Variants in KDR observed in about 807,000 individuals in gnomAD.
KDR encodes vascular endothelial growth factor receptor 2.
KDR carries 43 observed loss-of-function variants against 160.9 expected under a neutral mutation model. The ratio of observed to expected loss-of-function variants is 0.27; its 90% CI spans 0.21 to 0.34. KDR has a LOEUF of 0.34. Ranked by LOEUF, KDR falls within the 10% of genes least tolerant of loss-of-function variation. The pLI is 1.00. For missense variants in KDR, 1,469 were observed against 1,666.4 expected, an observed-to-expected ratio of 0.88 and a Z score of 2.06; for synonymous variants, 617 against 600.1, an observed-to-expected ratio of 1.03 and a Z score of -0.41.
chr4:55,124,128 A>T (rs947675267), intron 1 of KDR, among the ~76,000 whole-genome samples: 14 of 152,162 alleles, frequency 9.2e-5, no homozygotes, highest in Admixed American at 7.2e-4. Flanking sequence ...TGGACAGATG[A>T]TCCTGGTACT....
At chr4:55,082,081 T>C (rs761718110) in intron 28 of KDR, 40 bp from the exon 29 acceptor site, 6 of 1,328,540 alleles carry the variant, frequency 4.5e-6, no homozygotes, top group South Asian at 3.5e-5. Flanking sequence ...TAATTGAGCA[T>C]ATAAAATGAC....
At chr4:55,125,158 T>C in intron 1 of KDR, 69 bp downstream of exon 1, 1 of 1,389,018 alleles carries the variant, frequency 7.2e-7, no homozygotes, top group Non-Finnish European at 1.0e-6. Flanking sequence ...CCGAGTTAGA[T>C]CTGGCTTTCA....
chr4:55,120,267 G>T (rs1720837017), intron 2 of KDR, among the ~76,000 whole-genome samples: 1 of 152,156 alleles, frequency 6.6e-6, no homozygotes, highest in Non-Finnish European at 1.5e-5. Flanking sequence ...TGGACCCCCA[G>T]CACTCTTCCA....
intron 2 of KDR, among the ~76,000 whole-genome samples, chr4:55,119,120 A>G (rs1319847863): frequency 6.6e-6 from 1 of 152,108 alleles, no homozygotes; most frequent in South Asian, 2.1e-4. Flanking sequence ...GAGGCATGAG[A>G]ATTGCTTGAA....
Position 55,125,251 on chromosome 4 carries a change from C to G in KDR, c.43G>C (p.Val15Leu). Residue 15 changes from valine (V) to leucine (L), a missense_variant, in exon 1 of 30, where the codon GTG becomes CTG. Coordinates refer to ENST00000263923, the MANE Select transcript of KDR (RefSeq NM_002253.4). ...CCCACAGAGGCGGCCCGGGTCTCCA[C>G]GCAGAGCCACAGGGCGACGGCCAGC... The part of the protein sequence containing the change: ...VLLAVALWLC[V>L]ETRAASVGLP... 1 of 1,612,998 alleles carries G rather than the reference C, an allele frequency of 6.2e-7. No individual in the cohort carries two copies. The highest frequency in any genetic ancestry group is 2.2e-5 in the East Asian group (1 of 44,860).
In KDR at chr4:55,114,274, A is replaced by C. The variant is rs1371888060; in HGVS notation, c.659-9T>G. The C allele has an allele frequency of 6.2e-7, 1 of 1,613,452 alleles. No homozygotes were observed. Among genetic ancestry groups the C allele is most frequent in the Non-Finnish European group, 8.5e-7 (1 of 1,179,604 alleles). ...ATCATAAATCCTATACCCTAGAGCA[A>C]GTAAATTGAAAAAACAGAACATGAG... is the stretch of plus-strand genomic sequence containing the variant. On this transcript the variant is annotated splice_polypyrimidine_tract_variant and intron_variant, in intron 5 of 29. Coordinates refer to ENST00000263923, the MANE Select transcript of KDR (RefSeq NM_002253.4).
At chr4:55,119,420 G>A (rs564819843) in intron 2 of KDR, among the ~76,000 whole-genome samples, 12 of 152,268 alleles carry the variant, frequency 7.9e-5, no homozygotes, top group African/African-American at 2.9e-4. Flanking sequence ...AAAAATCAAT[G>A]CCTTTATGGA....
Position 55,082,652 on chromosome 4 carries a change from A to T in KDR, c.3663-17T>A, listed in dbSNP as rs948272810. 1.1e-5 allele frequency: 17 copies of T among 1,599,928 alleles called. No individual in the cohort carries two copies. The highest frequency in any genetic ancestry group is 1.4e-5 in the Non-Finnish European group (16 of 1,167,518). On this transcript the variant is annotated splice_polypyrimidine_tract_variant and intron_variant, in intron 27 of 29. Coordinates refer to ENST00000263923, the MANE Select transcript of KDR (RefSeq NM_002253.4). ...AGATACTGACTGCAAAAGAACAAAT[A>T]TTTATATTTTAGTGGTGGTATATTT...
At position 55,118,772 on chromosome 4, in the gene KDR, G is replaced by T. The variant is rs746468410; in HGVS notation, c.190C>A (p.Pro64Thr). 21 of 1,614,134 alleles carry T rather than the reference G, an allele frequency of 1.3e-5. No individual in the cohort carries two copies. Among genetic ancestry groups the T allele is most frequent in the Non-Finnish European group, 1.8e-5 (21 of 1,179,998 alleles). The part of the protein sequence containing the change: ...RGQRDLDWLW[P>T]NNQSGSEQRV... ...TGCTCACTGCCACTCTGATTATTGGGCCAAAGCCAGTCCAAGTCCCTCTGT... is the reference window on the plus strand; with the variant it reads ...TGCTCACTGCCACTCTGATTATTGGTCCAAAGCCAGTCCAAGTCCCTCTGT... The change falls in exon 3 of 30, where the codon CCC becomes ACC. Residue 64 changes from proline (P) to threonine (T), a missense_variant. Physicochemically the swap from Pro to Thr is conservative, Grantham distance 38. Coordinates refer to ENST00000263923, the MANE Select transcript of KDR (RefSeq NM_002253.4).
intron 29 of KDR, 72 bp downstream of exon 29, chr4:55,081,884 T>TAAG (rs747625211): frequency 2.1e-5 from 22 of 1,042,008 alleles, no homozygotes; most frequent in African/African-American, 1.6e-4. Context: ...ATTCTGCACT[T>TAAG]ACACTGAAAG....
At chr4:55,089,229 T>C in intron 25 of KDR, 145 bp downstream of exon 25, 1 of 697,612 alleles carries the variant, frequency 1.4e-6, no homozygotes, top group East Asian at 2.7e-5. Flanking sequence ...GATGACTCCA[T>C]GCTTGAAATT....
At position 55,089,808 on chromosome 4, in the gene KDR, G is replaced by C. The variant is rs1428451411; in HGVS notation, c.3193-6C>G. ...CATTTCAAAGGGAGGCGAGCCTACA[G>C]GGGTAGAAGACAAGGATTCAGAACC... On this transcript the variant is annotated splice_polypyrimidine_tract_variant and splice_region_variant and intron_variant, in intron 23 of 29. Transcript: ENST00000263923. 6.2e-7 allele frequency: 1 copy of C among 1,613,192 alleles called. No individual in the cohort carries two copies. Among genetic ancestry groups the C allele is most frequent in the East Asian group, 2.2e-5 (1 of 44,868 alleles).
At chr4:55,100,253 C>A (rs946850519) in intron 15 of KDR, among the ~76,000 whole-genome samples, 1 of 152,060 alleles carries the variant, frequency 6.6e-6, no homozygotes, top group South Asian at 2.1e-4. Context: ...CATTGAGAGA[C>A]AAGCACAATT....
At chr4:55,086,861 A>C (rs539580529) in intron 27 of KDR, among the ~76,000 whole-genome samples, 7 of 152,216 alleles carry the variant, frequency 4.6e-5, no homozygotes, top group Non-Finnish European at 1.0e-4. Context: ...GGGTTCCATT[A>C]AAGCAGGAAA....
Position 55,097,685 on chromosome 4 carries a change from G to A in KDR, c.2591C>T (p.Thr864Ile), listed in dbSNP as rs766711473. The A allele has an allele frequency of 1.2e-6, 2 of 1,612,824 alleles. No homozygotes were observed. The highest frequency in any genetic ancestry group is 2.7e-5 in the African/African-American group (2 of 74,784). ...FGIDKTATCR[T>I]VAVKMLKEGA... ...ACCTTTCAACATTTTGACTGCTACT[G>A]TCCTGCAAGTTGCTGTCTTGTCAAT... The change falls in exon 18 of 30, where the codon ACA becomes ATA. Residue 864 changes from threonine to isoleucine, a missense_variant. This residue lies in a region of KDR where 151 missense variants were observed against 207.2 expected (regional missense o/e 0.73). Coordinates refer to ENST00000263923, the MANE Select transcript of KDR (RefSeq NM_002253.4).
chr4:55,087,154 G>A (rs1216292208), intron 27 of KDR, among the ~76,000 whole-genome samples: 1 of 152,134 alleles, frequency 6.6e-6, no homozygotes, highest in African/African-American at 2.4e-5. Flanking sequence ...GTCTAATTCC[G>A]GACACAGACC....
intron 3 of KDR, among the ~76,000 whole-genome samples, chr4:55,117,500 G>A (rs912687970): frequency 2.0e-5 from 3 of 152,158 alleles, no homozygotes; most frequent in Non-Finnish European, 4.4e-5. Flanking sequence ...CTTACTCTGG[G>A]CAAAGATATT....
rs1193669433 is a variant in KDR, at chr4:55,121,182, T to C, written c.76A>G (p.Ser26Gly). 2 of 1,612,000 alleles carry C rather than the reference T, an allele frequency of 1.2e-6. No homozygotes were observed. The highest frequency in any genetic ancestry group is 1.7e-6 in the Non-Finnish European group (2 of 1,178,150). Reference protein sequence around the residue: ...ETRAASVGLPSVSLDLPRLSI... With the variant: ...ETRAASVGLPGVSLDLPRLSI... ...AGCCTGGGCAGATCAAGAGAAACAC[T>C]AGGCAAACCTAGAAACAAATTAAAT... Residue 26 changes from serine to glycine, a missense_variant, in exon 2 of 30, where the codon AGT (serine) becomes GGT (glycine). Around this residue, in one of 7 missense-constraint regions of KDR, gnomAD observed 792 missense variants for 840.9 expected, o/e 0.94. Transcript: ENST00000263923.
At chr4:55,092,999 A>G (rs1438115383) in intron 21 of KDR, among the ~76,000 whole-genome samples, 4 of 152,180 alleles carry the variant, frequency 2.6e-5, no homozygotes, top group Non-Finnish European at 4.4e-5. Flanking sequence ...TCTGGGAAAT[A>G]AAGAGGACAT....
Sources: gnomAD v4.1 joint callset for allele counts (sites outside exome capture counted in the v4.1 genomes callset) on GRCh38, gnomAD v4.1.1 for gene constraint, gnomAD v4.1.1 regional missense constraint, MANE v1.5 for transcripts, NCBI Gene and HGNC (gene_info 2026-07-23, HGNC 2026-07-21) for gene names.